ST8SIA6: variants seen among roughly 807,000 people sequenced by gnomAD.
ST8SIA6 encodes the protein alpha-2,8-sialyltransferase 8F.
Under a neutral mutation model 33.6 loss-of-function variants are expected in ST8SIA6, and 39 were observed. The observed-to-expected ratio is 1.16, with a 90% CI of 0.90 to 1.52. The LOEUF (loss-of-function observed/expected upper bound fraction) is 1.52. Ranked by LOEUF, ST8SIA6 falls within the 40% of genes most tolerant of loss-of-function variation. The pLI is 0.00. For synonymous variants in ST8SIA6, 172 were observed against 167.2 expected, an observed-to-expected ratio of 1.03 and a Z score of -0.22; for missense variants, 441 against 443.8, an observed-to-expected ratio of 0.99 and a Z score of 0.06.
intron 6 of ST8SIA6, among the ~76,000 whole-genome samples, chr10:17,324,708 TACACACAC>T (rs6143806): frequency 2.1e-5 from 3 of 140,018 alleles, no homozygotes; most frequent in East Asian, 2.1e-4. Context: ...ATATAGAGTA[TACACACAC>T]ACACACACAC....
At chr10:17,428,506 G>A (rs768344263) in intron 2 of ST8SIA6, among the ~76,000 whole-genome samples, 4 of 152,030 alleles carry the variant, frequency 2.6e-5, no homozygotes, top group Non-Finnish European at 4.4e-5. Flanking sequence ...CGACACTGGC[G>A]TCATACTGAC....
chr10:17,431,692 A>G (rs73595995), intron 2 of ST8SIA6, among the ~76,000 whole-genome samples: 16,518 of 151,504 alleles, frequency 0.11, 2,180 homozygotes, highest in African/African-American at 0.32. Context: ...GTGTGACCTT[A>G]GGCAAATCAC....
At chr10:17,442,814 A>G (rs764804072) in intron 2 of ST8SIA6, among the ~76,000 whole-genome samples, 2 of 152,156 alleles carry the variant, frequency 1.3e-5, no homozygotes, top group African/African-American at 2.4e-5. Context: ...GCACACAACT[A>G]TAAACTCAGG....
chr10:17,437,613 C>CCTTT, intron 2 of ST8SIA6, among the ~76,000 whole-genome samples: 1 of 60,950 alleles, frequency 1.6e-5, no homozygotes, highest in South Asian at 6.6e-4. Flanking sequence ...CCCCCTGTTT[C>CCTTT]CTTCCTTCCT....
At position 17,327,067 on chromosome 10, in the gene ST8SIA6, A is replaced by C; in HGVS notation, c.582T>G (p.Ile194Met). The change falls in exon 6 of 8, where the codon ATT (isoleucine) becomes ATG (methionine). Residue 194 changes from isoleucine to methionine, a missense_variant. Coordinates refer to ENST00000377602, the MANE Select transcript of ST8SIA6 (RefSeq NM_001004470.3). ...CAGTTCCACAGAGAGACTTATTCAG[A>C]ATTCCCCCATTTCCGACCACTGCAC... ...NQCAVVGNGGILNKSLCGTEI... is the reference protein window; with the variant it reads ...NQCAVVGNGGMLNKSLCGTEI... The C allele has an allele frequency of 6.2e-7, 1 of 1,610,814 alleles. No homozygotes were observed.
chr10:17,341,816 G>A (rs577876290), intron 4 of ST8SIA6, among the ~76,000 whole-genome samples: 40 of 140,456 alleles, frequency 2.8e-4, no homozygotes, highest in African/African-American at 8.8e-4. Flanking sequence ...CAAGAGAATC[G>A]CTTGAACCCA....
At chr10:17,347,922 T>C (rs61844963) in intron 4 of ST8SIA6, among the ~76,000 whole-genome samples, 25,583 of 141,768 alleles carry the variant, frequency 0.18, 2,343 homozygotes, top group African/African-American at 0.21. Context: ...CGCCACTGCA[T>C]TCCAGCCTAG....
chr10:17,438,031 GC>G (rs1175140982), intron 2 of ST8SIA6, among the ~76,000 whole-genome samples: 7 of 152,050 alleles, frequency 4.6e-5, no homozygotes, highest in Non-Finnish European at 7.4e-5. Context: ...GCCTGGCCAT[GC>G]CCCCCTGTTT....
chr10:17,451,708 A>G (rs1852917178), intron 2 of ST8SIA6, among the ~76,000 whole-genome samples: 1 of 152,192 alleles, frequency 6.6e-6, no homozygotes, highest in African/African-American at 2.4e-5. Flanking sequence ...GACCAGCTCC[A>G]GAAAAATGAA....
chr10:17,446,103 C>T (rs1852697091), intron 2 of ST8SIA6, among the ~76,000 whole-genome samples: 1 of 151,974 alleles, frequency 6.6e-6, no homozygotes, highest in Non-Finnish European at 1.5e-5. Context: ...CTCTGGTATC[C>T]ATAATGCTGT....
chr10:17,389,312 G>A (rs926368188), intron 3 of ST8SIA6, among the ~76,000 whole-genome samples: 4 of 152,140 alleles, frequency 2.6e-5, no homozygotes, highest in Non-Finnish European at 5.9e-5. Context: ...TTGATAAATC[G>A]GTTCTGTCTA....
intron 3 of ST8SIA6, among the ~76,000 whole-genome samples, chr10:17,374,128 T>TTTG (rs397934119): frequency 6.9e-5 from 7 of 101,016 alleles, no homozygotes; most frequent in African/African-American, 2.3e-4. Context: ...AAAAGTAGTC[T>TTTG]ATTTCTCATC....
chr10:17,366,544 C>G (rs1175675365), intron 3 of ST8SIA6, among the ~76,000 whole-genome samples: 3 of 151,888 alleles, frequency 2.0e-5, no homozygotes, highest in Admixed American at 2.0e-4. Context: ...ATGCTGTGAG[C>G]AGTGACTAAC....
chr10:17,424,316 C>T (rs1851867531), intron 2 of ST8SIA6, among the ~76,000 whole-genome samples: 2 of 152,120 alleles, frequency 1.3e-5, no homozygotes, highest in Admixed American at 6.5e-5. Context: ...TTTGCACAGG[C>T]TGGTCTCGAG....
At chr10:17,349,421 A>T (rs888295317) in intron 4 of ST8SIA6, among the ~76,000 whole-genome samples, 1 of 152,218 alleles carries the variant, frequency 6.6e-6, no homozygotes, top group Admixed American at 6.5e-5. Flanking sequence ...ATGATATTAA[A>T]CTGGAAATAA....
chr10:17,447,411 GA>G (rs1430370440), intron 2 of ST8SIA6, among the ~76,000 whole-genome samples: 3 of 147,656 alleles, frequency 2.0e-5, no homozygotes, highest in African/African-American at 5.0e-5. Context: ...CTTCTCAAAA[GA>G]AAAAAAACAA....
intron 4 of ST8SIA6, among the ~76,000 whole-genome samples, chr10:17,355,043 A>T (rs185048969): frequency 1.3e-5 from 2 of 152,348 alleles, no homozygotes; most frequent in Non-Finnish European, 2.9e-5. Flanking sequence ...AAAAGAGGAC[A>T]AACCCCCTCG....
At chr10:17,369,181 G>A (rs1199810322) in intron 3 of ST8SIA6, among the ~76,000 whole-genome samples, 1 of 152,082 alleles carries the variant, frequency 6.6e-6, no homozygotes, top group Non-Finnish European at 1.5e-5. Flanking sequence ...CATCATCGCA[G>A]TCAATTTTAC....
chr10:17,413,429 C>T (rs374745324), intron 2 of ST8SIA6: 1 of 152,096 alleles, frequency 6.6e-6, no homozygotes, highest in Non-Finnish European at 1.5e-5. Flanking sequence ...ATAAGAAAAA[C>T]AGACTGTCTA....
Sources: allele counts gnomAD v4.1 joint callset (sites outside exome capture counted in the v4.1 genomes callset), GRCh38; gene constraint gnomAD v4.1.1; transcripts MANE v1.5; gene names NCBI Gene and HGNC (gene_info 2026-07-23, HGNC 2026-07-21).